DZIP3: variants seen among roughly 807,000 people sequenced by gnomAD.
DZIP3 encodes the protein DAZ interacting zinc finger protein 3.
A neutral mutation model predicts 162.0 loss-of-function variants in DZIP3; 118 were observed. The ratio of observed to expected loss-of-function variants is 0.73; its 90% CI spans 0.63 to 0.85. The LOEUF is 0.85. DZIP3 is among the 40% of genes least tolerant of loss of function. The probability of loss-of-function intolerance (pLI) is 0.00; values close to 1 mark genes in which losing one functional copy is unlikely to be tolerated. For synonymous variants in DZIP3, 438 were observed against 458.6 expected, an observed-to-expected ratio of 0.96 and a Z score of 0.57; for missense variants, 1,331 against 1,407.0, an observed-to-expected ratio of 0.95 and a Z score of 0.86.
chr3:108,620,149 A>G (rs1941252546), intron 5 of DZIP3, among the ~76,000 whole-genome samples: 1 of 152,204 alleles, frequency 6.6e-6, no homozygotes, highest in African/African-American at 2.4e-5. Context: ...ATGAGAAGCT[A>G]CACAGCATAT....
intron 17 of DZIP3, among the ~76,000 whole-genome samples, chr3:108,650,929 T>C (rs576270173): frequency 6.6e-6 from 1 of 151,752 alleles, no homozygotes; most frequent in Admixed American, 6.6e-5. Context: ...ACATACAATA[T>C]GAGTAAGTTT....
chr3:108,654,326 GA>G lies in DZIP3; in HGVS notation c.2199+17del, dbSNP rs773116452. Reference sequence around the variant, plus strand: ...GATAGAGCAGGTAAGCATGATTAGAGAGGGTGCCTGCCTTCTCTTATTGTTA... The same window carrying G: ...GATAGAGCAGGTAAGCATGATTAGAGGGGTGCCTGCCTTCTCTTATTGTTA... On this transcript the variant is annotated intron_variant, in intron 19 of 32. Transcript: ENST00000361582. 9.9e-6 allele frequency: 16 copies of G among 1,613,020 alleles called. No individual in the cohort carries two copies. The highest frequency in any genetic ancestry group is 1.3e-5 in the African/African-American group (1 of 74,890).
intron 21 of DZIP3, among the ~76,000 whole-genome samples, chr3:108,664,098 G>C (rs1943567780): frequency 6.6e-6 from 1 of 152,170 alleles, no homozygotes; most frequent in Non-Finnish European, 1.5e-5. Flanking sequence ...AAAGCATGCT[G>C]TCTAAAGACA....
At chr3:108,609,866 G>A (rs10439982) in intron 3 of DZIP3, among the ~76,000 whole-genome samples, 2,899 of 152,180 alleles carry the variant, frequency 0.019, 98 homozygotes, top group African/African-American at 0.067. Context: ...ATTTCCTGTT[G>A]AAAAATTTTT....
At chr3:108,628,293 CTT>C (rs1213663651) in intron 7 of DZIP3, among the ~76,000 whole-genome samples, 2 of 152,122 alleles carry the variant, frequency 1.3e-5, no homozygotes, top group Non-Finnish European at 2.9e-5. Flanking sequence ...AGGAGGAGGT[CTT>C]TGCCAGTCAA....
chr3:108,682,844 A>C (rs1274880306), intron 26 of DZIP3, among the ~76,000 whole-genome samples: 1 of 150,826 alleles, frequency 6.6e-6, no homozygotes, highest in Non-Finnish European at 1.5e-5. Flanking sequence ...ACATGTATAC[A>C]TGTATGAAAA....
intron 5 of DZIP3, among the ~76,000 whole-genome samples, chr3:108,620,347 G>A (rs1264158570): frequency 6.6e-6 from 1 of 152,128 alleles, no homozygotes; most frequent in East Asian, 1.9e-4. Context: ...CATAGTGTTT[G>A]CACAAATAGT....
chr3:108,637,675 A>G (rs1349327657), intron 12 of DZIP3, 127 bp downstream of exon 12: 1 of 507,486 alleles, frequency 2.0e-6, no homozygotes, highest in Non-Finnish European at 3.1e-6. Context: ...TGAAAAAATC[A>G]TATTTAATTG....
chr3:108,674,242 G>T lies in DZIP3; in HGVS notation c.2693+61G>T. On this transcript the variant is annotated intron_variant, in intron 24 of 32. Transcript: ENST00000361582. ...TAGAGATGTTAGCAAGTGTCTCCAC[G>T]GTTGAATATAATCTGTGATGTGTTT... 2.2e-6 allele frequency: 3 copies of T among 1,380,344 alleles called. 1 individual carries two copies. Among genetic ancestry groups the T allele is most frequent in the South Asian group, 2.3e-5 (2 of 85,882 alleles). The allele number at this position is 1,380,344 out of a possible 1,614,324, so 85.5% of individuals were successfully genotyped here.
At chr3:108,683,580 G>A (rs1467369875) in intron 26 of DZIP3, among the ~76,000 whole-genome samples, 2 of 152,116 alleles carry the variant, frequency 1.3e-5, no homozygotes, top group Non-Finnish European at 2.9e-5. Flanking sequence ...TCCACAGATA[G>A]CTGCTAAGAA....
intron 1 of DZIP3, 122 bp from the exon 2 acceptor site, chr3:108,605,213 A>C: frequency 1.4e-6 from 1 of 701,660 alleles, no homozygotes; most frequent in Non-Finnish European, 2.3e-6. Context: ...TGGCGAAACT[A>C]TGATTCATTT....
chr3:108,639,662 G>A (rs930285010), intron 12 of DZIP3, among the ~76,000 whole-genome samples: 2 of 150,484 alleles, frequency 1.3e-5, no homozygotes, highest in Non-Finnish European at 3.0e-5. Flanking sequence ...TCCTAATGTT[G>A]GCAATTTGTG....
chr3:108,679,501 A>G (rs531760514), intron 26 of DZIP3, among the ~76,000 whole-genome samples: 1 of 152,210 alleles, frequency 6.6e-6, no homozygotes, highest in African/African-American at 2.4e-5. Flanking sequence ...CTTCCTAATT[A>G]GGGTCACTGC....
At chr3:108,658,227 C>T in intron 19 of DZIP3, among the ~76,000 whole-genome samples, 1 of 152,086 alleles carries the variant, frequency 6.6e-6, no homozygotes, top group East Asian at 1.9e-4. Flanking sequence ...CAAAATTGAC[C>T]ACATAGTTAG....
At chr3:108,596,983 C>A (rs1376579638) in intron 1 of DZIP3, among the ~76,000 whole-genome samples, 1 of 152,042 alleles carries the variant, frequency 6.6e-6, no homozygotes, top group East Asian at 1.9e-4. Context: ...AACCATGTGC[C>A]CAATATAGCT....
At chr3:108,652,894 A>G (rs933792360) in intron 18 of DZIP3, among the ~76,000 whole-genome samples, 3 of 151,988 alleles carry the variant, frequency 2.0e-5, no homozygotes, top group African/African-American at 4.8e-5. Context: ...AGGCTATACC[A>G]TCTAGTTTTG....
chr3:108,592,300 T>C (rs2107408853), intron 1 of DZIP3, among the ~76,000 whole-genome samples: 1 of 152,238 alleles, frequency 6.6e-6, no homozygotes, highest in South Asian at 2.1e-4. Context: ...TGACTGATAG[T>C]GGATGTGAGG....
intron 19 of DZIP3, among the ~76,000 whole-genome samples, chr3:108,658,635 AAGATC>A (rs1442617897): frequency 2.6e-5 from 4 of 152,204 alleles, no homozygotes; most frequent in Non-Finnish European, 4.4e-5. Context: ...AGAAATAACT[AAGATC>A]AGAGCAGAAC....
intron 13 of DZIP3, among the ~76,000 whole-genome samples, chr3:108,643,751 G>A (rs561197405): frequency 1.3e-5 from 2 of 151,844 alleles, no homozygotes; most frequent in South Asian, 2.1e-4. Context: ...ATCACATGAC[G>A]TTCCATTGGG....
Sources: allele counts gnomAD v4.1 joint callset (sites outside exome capture counted in the v4.1 genomes callset), GRCh38; gene constraint gnomAD v4.1.1; transcripts MANE v1.5; gene names NCBI Gene and HGNC (gene_info 2026-07-23, HGNC 2026-07-21).